Variants in C10orf143 observed in about 807,000 individuals in gnomAD.
C10orf143 encodes the protein uncharacterized protein C10orf143.
intron 1 of C10orf143, among the ~76,000 whole-genome samples, chr10:130,081,151 A>G (rs1246583215): frequency 1.3e-5 from 2 of 152,208 alleles, no homozygotes; most frequent in Non-Finnish European, 2.9e-5. Flanking sequence ...GGACCAAGGT[A>G]TAATAGAGAA....
intron 1 of C10orf143, among the ~76,000 whole-genome samples, chr10:130,097,721 A>T (rs1464013496): frequency 1.3e-5 from 2 of 149,968 alleles, no homozygotes; most frequent in African/African-American, 4.9e-5. Context: ...AATATTATAC[A>T]GCCATAAAAA....
chr10:130,037,204 C>T (rs1219928650), intron 3 of C10orf143, among the ~76,000 whole-genome samples: 1 of 152,196 alleles, frequency 6.6e-6, no homozygotes, highest in Non-Finnish European at 1.5e-5. Context: ...GATGGGTGAG[C>T]AACAAGGCTT....
At chr10:130,060,120 G>C (rs543166943), downstream of C10orf143, among the ~76,000 whole-genome samples, 1 of 152,204 alleles carries the variant, frequency 6.6e-6, no homozygotes, top group South Asian at 2.1e-4. Context: ...AACTGACGGG[G>C]TTCCTTGTCC....
chr10:130,047,515 A>C (rs1199163063), intron 3 of C10orf143, among the ~76,000 whole-genome samples: 1 of 152,080 alleles, frequency 6.6e-6, no homozygotes, highest in Non-Finnish European at 1.5e-5. Flanking sequence ...ACAGCTCTCA[A>C]CCTGCAGCCG....
At chr10:130,074,429 A>C (rs551465162) in intron 3 of C10orf143, among the ~76,000 whole-genome samples, 18 of 152,340 alleles carry the variant, frequency 1.2e-4, no homozygotes, top group African/African-American at 4.3e-4. Flanking sequence ...AAGAAGAAAG[A>C]ACTGACAAGG....
chr10:130,074,543 C>T (rs1429729854), intron 3 of C10orf143, among the ~76,000 whole-genome samples: 2 of 152,058 alleles, frequency 1.3e-5, no homozygotes, highest in Non-Finnish European at 2.9e-5. Flanking sequence ...TCTTTGGTCC[C>T]GTCCCCAGCT....
chr10:130,076,781 C>T (rs2134763382), intron 3 of C10orf143, among the ~76,000 whole-genome samples: 1 of 152,244 alleles, frequency 6.6e-6, no homozygotes, highest in East Asian at 1.9e-4. Context: ...CCTGTGCACA[C>T]GCAAGCCGCG....
intron 1 of C10orf143, chr10:130,107,075 A>G (rs1251962458): frequency 1.3e-6 from 2 of 1,556,642 alleles, no homozygotes; most frequent in Non-Finnish European, 1.8e-6. Flanking sequence ...AATTGATAAA[A>G]CAAAGGAAGA....
intron 3 of C10orf143, among the ~76,000 whole-genome samples, chr10:130,053,999 G>T (rs1272539942): frequency 6.6e-6 from 1 of 152,236 alleles, no homozygotes; most frequent in African/African-American, 2.4e-5. Context: ...TCATGGGCCA[G>T]TATGCTGTTT....
chr10:130,068,605 C>T (rs1860978631), intron 3 of C10orf143: 1 of 77,440 alleles, frequency 1.3e-5, no homozygotes, highest in African/African-American at 5.6e-5. Flanking sequence ...GAGCAAAACT[C>T]CATCTCAAAA....
In C10orf143 at chr10:130,108,351, C is replaced by G. The variant is rs758553802; in HGVS notation, c.69+2353G>C. ...CCTCCCCCAAGACCTGGATTTTTCC[C>G]CCGACCCCCACATTCTGAAGGTAGA... On this transcript the variant is annotated intron_variant, in intron 1 of 3. Transcript: ENST00000637128. 3.5e-5 allele frequency: 46 copies of G among 1,320,826 alleles called. No homozygotes were observed. In the East Asian group the frequency reaches 1.1e-3, roughly 30 times the overall value. The allele number at this position is 1,320,826 out of a possible 1,614,324, so 81.8% of individuals were successfully genotyped here.
downstream of C10orf143, among the ~76,000 whole-genome samples, chr10:130,061,322 T>G (rs895107575): frequency 6.6e-6 from 1 of 152,236 alleles, no homozygotes; most frequent in East Asian, 1.9e-4. Context: ...TTAATAAGTA[T>G]GGATTTCAAG....
At chr10:130,058,477 A>C (rs905972525) in intron 3 of C10orf143, among the ~76,000 whole-genome samples, 6 of 152,162 alleles carry the variant, frequency 3.9e-5, no homozygotes, top group Non-Finnish European at 7.3e-5. Context: ...GGACAGCCAC[A>C]CAAAACAAAA....
At chr10:130,083,138 TA>T (rs1861234885) in intron 1 of C10orf143, among the ~76,000 whole-genome samples, 1 of 152,046 alleles carries the variant, frequency 6.6e-6, no homozygotes, top group Non-Finnish European at 1.5e-5. Flanking sequence ...ATAAACAATT[TA>T]AAAAAGCTAT....
At chr10:130,096,710 G>A (rs1015236321) in intron 1 of C10orf143, among the ~76,000 whole-genome samples, 1 of 150,346 alleles carries the variant, frequency 6.7e-6, no homozygotes, top group African/African-American at 2.4e-5. Flanking sequence ...AGGGGGCAGG[G>A]GGCTAGGGCA....
At chr10:130,055,973 A>G (rs1232861228) in intron 3 of C10orf143, among the ~76,000 whole-genome samples, 1 of 150,934 alleles carries the variant, frequency 6.6e-6, no homozygotes, top group African/African-American at 2.4e-5. Flanking sequence ...AAAAAAAAAA[A>G]AAAAAAGAAA....
intron 3 of C10orf143, among the ~76,000 whole-genome samples, chr10:130,038,762 C>A (rs1372788393): frequency 6.6e-6 from 1 of 152,138 alleles, no homozygotes; most frequent in Non-Finnish European, 1.5e-5. Flanking sequence ...TTATCATCTG[C>A]TGGCCCTGCC....
At chr10:130,091,793 G>A (rs1861386778) in intron 1 of C10orf143, among the ~76,000 whole-genome samples, 1 of 151,434 alleles carries the variant, frequency 6.6e-6, no homozygotes, top group African/African-American at 2.4e-5. Context: ...CAGCCAAATC[G>A]ACCAAGCCAA....
intron 3 of C10orf143, among the ~76,000 whole-genome samples, chr10:130,038,078 A>G (rs2134719555): frequency 1.3e-5 from 2 of 152,284 alleles, no homozygotes; most frequent in East Asian, 3.9e-4. Flanking sequence ...CCTGGCCAGA[A>G]ACTTCCACCC....
Sources: allele counts gnomAD v4.1 joint callset (sites outside exome capture counted in the v4.1 genomes callset), GRCh38; gene constraint gnomAD v4.1.1; transcripts MANE v1.5; gene names NCBI Gene and HGNC (gene_info 2026-07-23, HGNC 2026-07-21).